SLC44A5: variants seen among roughly 807,000 people sequenced by gnomAD.
The protein encoded by SLC44A5 is solute carrier family 44 member 5.
SLC44A5 carries 57 observed loss-of-function variants against 101.8 expected under a neutral mutation model. The ratio of observed to expected loss-of-function variants is 0.56; its 90% CI spans 0.45 to 0.70. The LOEUF is 0.70. Among genes scored for constraint, SLC44A5 ranks in the 30% least tolerant of loss-of-function variants. SLC44A5 has a pLI of 0.00. For synonymous variants in SLC44A5, 281 were observed against 290.9 expected (o/e 0.97, Z 0.35); for missense variants, 737 against 853.1 (o/e 0.86, Z 1.70).
At chr1:75,223,067 CT>C (rs1230686565) in intron 13 of SLC44A5, among the ~76,000 whole-genome samples, 2 of 152,126 alleles carry the variant, frequency 1.3e-5, no homozygotes, top group African/African-American at 2.4e-5. Flanking sequence ...ATTTATAAAT[CT>C]TGAATTGAAG....
rs924295247 is a variant in SLC44A5, at chr1:75,219,884, C to A, written c.1094G>T (p.Gly365Val). The change falls in exon 15 of 24, where the codon GGA becomes GTA. Residue 365 changes from glycine to valine, a missense_variant. Gly to Val is a moderately radical substitution (Grantham distance 109). Around this residue, in one of 3 missense-constraint regions of SLC44A5, gnomAD observed 665 missense variants for 764.4 expected, o/e 0.87. Transcript: ENST00000370859. Reference sequence around the variant, plus strand: ...ATAGACTAATGTACTAGGAACATATCCAATGGCTCTGAAATAAAACAAATA... The same window carrying A: ...ATAGACTAATGTACTAGGAACATATACAATGGCTCTGAAATAAAACAAATA... ...ILLKEGSKAI[G>V]YVPSTLVYPA... The A allele has an allele frequency of 6.2e-7, 1 of 1,601,192 alleles. No homozygotes were observed. Among genetic ancestry groups the A allele is most frequent in the African/African-American group, 1.3e-5 (1 of 74,480 alleles).
At chr1:75,646,880 G>A in the SLC44A5 span, among the ~76,000 whole-genome samples, 7 of 152,278 alleles carry the variant, frequency 4.6e-5, no homozygotes, top group East Asian at 1.4e-3. Flanking sequence ...GTGTTCAAGA[G>A]GTGACAGAGC....
chr1:75,650,722 C>T, the SLC44A5 span, among the ~76,000 whole-genome samples: 74,720 of 152,042 alleles, frequency 0.49, 19,616 homozygotes, highest in East Asian at 0.93. Flanking sequence ...TGGGCTCAAG[C>T]GATTCTCCCA....
intron 2 of SLC44A5, among the ~76,000 whole-genome samples, chr1:75,435,539 C>T (rs1247147455): frequency 6.6e-6 from 1 of 152,110 alleles, no homozygotes; most frequent in Admixed American, 6.6e-5. Context: ...CTCCACACCT[C>T]ATATAATGAC....
chr1:75,661,387 T>TAAAAAAAAAAAAAAAAAAAA, the SLC44A5 span, among the ~76,000 whole-genome samples: 10 of 53,600 alleles, frequency 1.9e-4, no homozygotes, highest in Admixed American at 3.0e-4. Context: ...CTACTGCAAG[T>TAAAAAAAAAAAAAAAAAAAA]AAAAAAAAAA....
intron 2 of SLC44A5, among the ~76,000 whole-genome samples, chr1:75,497,432 AG>A (rs1668734926): frequency 6.6e-6 from 1 of 152,160 alleles, no homozygotes; most frequent in African/African-American, 2.4e-5. Context: ...AATCTAAAAA[AG>A]TCAAATTCAT....
intron 2 of SLC44A5, among the ~76,000 whole-genome samples, chr1:75,423,695 G>C (rs1356227895): frequency 1.3e-5 from 2 of 152,194 alleles, no homozygotes; most frequent in Non-Finnish European, 2.9e-5. Context: ...CCTGCTCCCA[G>C]GACGCACTTA....
intron 5 of SLC44A5, among the ~76,000 whole-genome samples, chr1:75,291,386 C>T (rs1653529682): frequency 6.6e-6 from 1 of 152,058 alleles, no homozygotes; most frequent in African/African-American, 2.4e-5. Context: ...CAACCTAGAA[C>T]CTGGGAATAT....
intron 7 of SLC44A5, 116 bp downstream of exon 7, chr1:75,251,094 A>T: frequency 1.3e-6 from 1 of 761,960 alleles, no homozygotes; most frequent in Non-Finnish European, 2.3e-6. Flanking sequence ...CTAGAAATTC[A>T]TAATGAACCC....
In SLC44A5 at chr1:75,540,531, G is replaced by A. The variant is rs190825129; in HGVS notation, c.13+904C>T. On this transcript the variant is annotated intron_variant, in intron 2 of 23. Transcript: ENST00000370859. The stretch of plus-strand genomic sequence containing the variant: ...TTTGCAGCCTTGAGGAACATGTGTA[G>A]ATTCAAACATATTCTGGGTTCCTCT... 4.6e-5 allele frequency among the ~76,000 whole-genome samples: 7 copies of A among 152,264 alleles called. No individual in the cohort carries two copies. In the East Asian group the frequency reaches 1.4e-3, roughly 29 times the overall value.
At chr1:75,419,877 G>A (rs1383327004) in intron 2 of SLC44A5, among the ~76,000 whole-genome samples, 1 of 152,104 alleles carries the variant, frequency 6.6e-6, no homozygotes. Context: ...AATATTACTT[G>A]AATGTAAACT....
upstream of SLC44A5, among the ~76,000 whole-genome samples, chr1:75,612,060 G>C (rs148192407): frequency 1.6e-3 from 239 of 152,248 alleles, 2 homozygotes; most frequent in African/African-American, 5.6e-3. Flanking sequence ...CTCTAGAATT[G>C]TTTTCTAAGC....
chr1:75,570,843 C>G (rs112881557), intron 1 of SLC44A5, among the ~76,000 whole-genome samples: 1 of 152,018 alleles, frequency 6.6e-6, no homozygotes, highest in Non-Finnish European at 1.5e-5. Context: ...TAAGACAGTA[C>G]GTTAATGTGC....
At chr1:75,414,377 A>G (rs1663496727) in intron 2 of SLC44A5, among the ~76,000 whole-genome samples, 1 of 151,378 alleles carries the variant, frequency 6.6e-6, no homozygotes, top group Admixed American at 6.6e-5. Context: ...TCCTCTTGTG[A>G]AGAGAGAGAT....
At chr1:75,311,531 G>A in intron 4 of SLC44A5, 1 of 983,742 alleles carries the variant, frequency 1.0e-6, no homozygotes, top group South Asian at 4.7e-5. Flanking sequence ...TTACATAACA[G>A]GTACCAGCTC....
intron 2 of SLC44A5, among the ~76,000 whole-genome samples, chr1:75,461,555 A>C (rs1253921423): frequency 6.6e-6 from 1 of 152,196 alleles, no homozygotes; most frequent in Admixed American, 6.5e-5. Context: ...CGGTGACTAA[A>C]TAGCTCTTTC....
intron 4 of SLC44A5, among the ~76,000 whole-genome samples, chr1:75,323,559 C>T (rs1354280729): frequency 3.3e-5 from 5 of 152,314 alleles, no homozygotes; most frequent in African/African-American, 1.2e-4. Flanking sequence ...AACTAGTTTA[C>T]AGTCCCACCA....
chr1:75,585,410 G>A (rs1000688981), intron 1 of SLC44A5, among the ~76,000 whole-genome samples: 1 of 152,158 alleles, frequency 6.6e-6, no homozygotes, highest in African/African-American at 2.4e-5. Flanking sequence ...GTCAAATTAT[G>A]CATCCTCTCG....
intron 1 of SLC44A5, among the ~76,000 whole-genome samples, chr1:75,598,801 G>A (rs1674801627): frequency 1.3e-5 from 2 of 152,092 alleles, no homozygotes; most frequent in South Asian, 4.1e-4. Context: ...GGAGGGAGAG[G>A]ATCAGGAAAA....
Sources: gnomAD v4.1 joint callset for allele counts (sites outside exome capture counted in the v4.1 genomes callset) on GRCh38, gnomAD v4.1.1 for gene constraint, gnomAD v4.1.1 regional missense constraint, MANE v1.5 for transcripts, NCBI Gene and HGNC (gene_info 2026-07-23, HGNC 2026-07-21) for gene names.